Variants in CDC7 observed in about 807,000 individuals in gnomAD.
The protein encoded by CDC7 is cell division cycle 7, also known as cell division cycle 7-related protein kinase.
A neutral mutation model predicts 53.5 loss-of-function variants in CDC7; 34 were observed. The observed-to-expected ratio is 0.64, with a 90% CI of 0.48 to 0.85. The LOEUF is 0.85. Ranked by LOEUF, CDC7 falls within the 40% of genes least tolerant of loss-of-function variation. The probability of loss-of-function intolerance (pLI) is 0.00; values close to 1 mark genes in which losing one functional copy is unlikely to be tolerated. For missense variants in CDC7, 594 were observed against 679.7 expected (o/e 0.87, Z 1.40); for synonymous variants, 211 against 222.8 (o/e 0.95, Z 0.47).
At chr1:91,501,372 C>A (rs1405372779) in intron 1 of CDC7, 2 of 248,000 alleles carry the variant, frequency 8.1e-6, no homozygotes, top group Non-Finnish European at 1.6e-5. Flanking sequence ...CCACGCGGTC[C>A]CGCTGGCTGT....
chr1:91,508,051 G>C (rs1667084216), intron 3 of CDC7, 114 bp downstream of exon 3: 1 of 882,954 alleles, frequency 1.1e-6, no homozygotes, highest in Admixed American at 2.8e-5. Context: ...CCACTTTTTA[G>C]ACTATTAAGA....
chr1:91,504,152 A>G (rs1311526935), intron 2 of CDC7, among the ~76,000 whole-genome samples: 1 of 146,298 alleles, frequency 6.8e-6, no homozygotes, highest in African/African-American at 2.6e-5. Context: ...CACCACTGTC[A>G]CTGGAGTGCA....
chr1:91,501,931 G>A (rs13447462), intron 2 of CDC7, 100 bp downstream of exon 2: 18 of 871,264 alleles, frequency 2.1e-5, no homozygotes, highest in Non-Finnish European at 3.3e-5. Flanking sequence ...ATCTTATAAA[G>A]TGAATTGTAT....
intron 1 of CDC7, chr1:91,501,235 A>G (rs1666649085): frequency 1.3e-5 from 2 of 158,052 alleles, no homozygotes; most frequent in African/African-American, 2.4e-5. Flanking sequence ...CCAGGGTCGT[A>G]TCAGTTCTCC....
intron 5 of CDC7, 28 bp from the exon 6 acceptor site, chr1:91,511,753 A>T (rs372624837): frequency 1.4e-4 from 219 of 1,597,978 alleles, no homozygotes; most frequent in Middle Eastern, 1.2e-3. Context: ...AATATTTGTA[A>T]CTCATTTCAT....
chr1:91,512,920 C>A, intron 6 of CDC7, 138 bp from the exon 7 acceptor site: 1 of 694,518 alleles, frequency 1.4e-6, no homozygotes. Flanking sequence ...ATTTTTTTTT[C>A]TTTTTTCCAG....
chr1:91,515,836 A>G lies in CDC7; in HGVS notation c.1140A>G (p.Arg380=). ...VAPRAGTPGF[R]APEVLTKCPN... is the part of the protein sequence containing the mutation. ...CTAGGGCAGGTACACCAGGATTCAG[A>G]GCACCAGAGGTCTTGACAAAGTGCC... Residue 380 remains arginine, a synonymous_variant, in exon 10 of 12, where the codon AGA becomes AGG. Coordinates refer to ENST00000234626, the MANE Select transcript of CDC7 (RefSeq NM_003503.4). 1 of 1,613,890 alleles carries G rather than the reference A, an allele frequency of 6.2e-7. No individual in the cohort carries two copies. The highest frequency in any genetic ancestry group is 8.5e-7 in the Non-Finnish European group (1 of 1,179,850).
At chr1:91,521,405 G>A (rs1257234059) in intron 11 of CDC7, among the ~76,000 whole-genome samples, 1 of 152,194 alleles carries the variant, frequency 6.6e-6, no homozygotes, top group African/African-American at 2.4e-5. Flanking sequence ...GAAAAACTTA[G>A]TGGTGGTTGT....
chr1:91,519,690 T>G (rs1294403261), intron 10 of CDC7, among the ~76,000 whole-genome samples: 3 of 152,212 alleles, frequency 2.0e-5, no homozygotes, highest in Admixed American at 6.5e-5. Context: ...GAAGAAGAGC[T>G]TCTAATGTTC....
At chr1:91,512,617 T>C (rs765684891) in intron 6 of CDC7, among the ~76,000 whole-genome samples, 12 of 152,120 alleles carry the variant, frequency 7.9e-5, no homozygotes, top group Non-Finnish European at 1.5e-4. Flanking sequence ...ATATTAAACA[T>C]AATAATATTA....
rs764347144 is a variant in CDC7 at position 91,514,891 on chromosome 1, A to G, written c.991A>G (p.Lys331Glu). 6 of 1,613,526 alleles carry G rather than the reference A, an allele frequency of 3.7e-6. No homozygotes were observed. The highest frequency in any genetic ancestry group is 1.7e-5 in the Admixed American group (1 of 59,980). Reference protein sequence around the residue: ...LATKKKAISTKVMNSAVMRKT... With the variant: ...LATKKKAISTEVMNSAVMRKT... ...AACAAAAAAGAAGGCTATTTCTACA[A>G]AAGTTATGAATAGTGCTGTGATGAG... The change falls in exon 9 of 12, where the codon AAA becomes GAA. Residue 331 changes from lysine to glutamate, a missense_variant. Physicochemically the swap from Lys to Glu is moderately conservative, Grantham distance 56 (BLOSUM62 1). Transcript: ENST00000234626.
chr1:91,503,789 G>T (rs1404932274), intron 2 of CDC7, among the ~76,000 whole-genome samples: 1 of 151,960 alleles, frequency 6.6e-6, no homozygotes, highest in Non-Finnish European at 1.5e-5. Context: ...AGCCTTTCTA[G>T]GCATACATAG....
In CDC7 at chr1:91,514,024, A is replaced by C. The variant is rs368391670; in HGVS notation, c.899A>C (p.His300Pro). 1.2e-6 allele frequency: 2 copies of C among 1,610,644 alleles called. No homozygotes were observed. The highest frequency in any genetic ancestry group is 1.7e-5 in the Admixed American group (1 of 59,934). ...RNFNIHSSIS[H>P]ESPAVKLMKQ... ...TTCAATATACACAGCTCCATTTCAC[A>C]TGAGAGCCCTGCAGTGAAAGTAAGT... Residue 300 changes from histidine to proline, a missense_variant, in exon 8 of 12, where the codon CAT (histidine) becomes CCT (proline). By Grantham distance (77) the His-to-Pro change is moderately conservative. Coordinates refer to ENST00000234626, the MANE Select transcript of CDC7 (RefSeq NM_003503.4).
In CDC7 at chr1:91,501,674, A is replaced by G. The variant is rs772828728; in HGVS notation, c.-43A>G. ...CACAGCTGCTTTGCTCCCCCTGTGGATGTAACCCCTTAGCTGGCATTTTGC... is the reference window on the plus strand; with the variant it reads ...CACAGCTGCTTTGCTCCCCCTGTGGGTGTAACCCCTTAGCTGGCATTTTGC... On this transcript the variant is annotated 5_prime_UTR_variant, in exon 2 of 12. It removes an upstream start codon present in the reference 5' UTR. Coordinates refer to ENST00000234626, the MANE Select transcript of CDC7 (RefSeq NM_003503.4). The G allele has an allele frequency of 2.2e-6, 3 of 1,393,950 alleles. No homozygotes were observed. Among genetic ancestry groups the G allele is most frequent in the Non-Finnish European group, 3.1e-6 (3 of 981,800 alleles). 86.3% of individuals were successfully genotyped at this position (1,393,950 alleles called of 1,614,324 possible).
chr1:91,514,865 C>T lies in CDC7; in HGVS notation c.965C>T (p.Ala322Val). 1 of 1,612,780 alleles carries T rather than the reference C, an allele frequency of 6.2e-7. No individual in the cohort carries two copies. The highest frequency in any genetic ancestry group is 8.5e-7 in the Non-Finnish European group (1 of 1,179,284). The change falls in exon 9 of 12, where the codon GCA becomes GTA. Residue 322 changes from alanine to valine, a missense_variant. Transcript: ENST00000234626. The stretch of plus-strand genomic sequence containing the variant: ...GTGGATGTACTGTCTAGAAAGTTAG[C>T]AACAAAAAAGAAGGCTATTTCTACA... ...KTVDVLSRKL[A>V]TKKKAISTKV...
At position 91,501,882 on chromosome 1, in the gene CDC7, A is replaced by G. The variant is rs778300421; in HGVS notation, c.115+51A>G. The stretch of plus-strand genomic sequence containing the variant: ...CAGTTATAAAGATTTTTCAGGCAAC[A>G]ATTCTGTGTTTTCAATTCCTCTCAA... On this transcript the variant is annotated intron_variant, in intron 2 of 11. Coordinates refer to ENST00000234626, the MANE Select transcript of CDC7 (RefSeq NM_003503.4). The G allele has an allele frequency of 2.3e-6, 3 of 1,292,384 alleles. No homozygotes were observed. The South Asian group carries it at 3.6e-5, about 15-fold the overall frequency. The allele number at this position is 1,292,384 out of a possible 1,614,324, so 80.1% of individuals were successfully genotyped here.
At chr1:91,515,513 AT>A (rs549601596) in intron 9 of CDC7, among the ~76,000 whole-genome samples, 39 of 152,138 alleles carry the variant, frequency 2.6e-4, no homozygotes, top group Middle Eastern at 6.8e-3. Context: ...ATTGGGTTCT[AT>A]TTTTTCTATT....
chr1:91,522,883 A>G (rs1259961573), intron 11 of CDC7, among the ~76,000 whole-genome samples: 3 of 152,168 alleles, frequency 2.0e-5, no homozygotes, highest in African/African-American at 4.8e-5. Context: ...TTTATCATCC[A>G]CAGTCAGATT....
intron 11 of CDC7, among the ~76,000 whole-genome samples, chr1:91,522,125 A>G (rs1456934338): frequency 6.6e-6 from 1 of 152,138 alleles, no homozygotes; most frequent in African/African-American, 2.4e-5. Context: ...AGATTGCACC[A>G]CTGCACTCCA....
Sources: gnomAD v4.1 joint callset for allele counts (sites outside exome capture counted in the v4.1 genomes callset) on GRCh38, gnomAD v4.1.1 for gene constraint, MANE v1.5 for transcripts, NCBI Gene and HGNC (gene_info 2026-07-23, HGNC 2026-07-21) for gene names.